The following LOC400499 variants were observed in gnomAD, a reference collection of about 807,000 sequenced individuals.
At chr16:11,448,148 A>C in the LOC400499 span, 3 of 1,478,848 alleles carry the variant, frequency 2.0e-6, no homozygotes, top group Non-Finnish European at 2.7e-6. Flanking sequence ...CAGGAAGGCA[A>C]GAGGTAGCCC....
the LOC400499 span, chr16:11,488,662 C>A: frequency 2.5e-6 from 1 of 398,434 alleles, no homozygotes; most frequent in East Asian, 3.6e-5. Flanking sequence ...GGTCCCCCAG[C>A]CTTTGTGGTT....
the LOC400499 span, among the ~76,000 whole-genome samples, chr16:11,485,524 T>C: frequency 1.3e-5 from 2 of 152,074 alleles, no homozygotes; most frequent in African/African-American, 4.8e-5. Context: ...GGTGAATAAA[T>C]GGATCTTTCC....
the LOC400499 span, chr16:11,383,574 G>GGTTTTCCCTC: frequency 8.2e-7 from 1 of 1,222,982 alleles, no homozygotes; most frequent in Non-Finnish European, 1.0e-6. Context: ...GAAAGGGACT[G>GGTTTTCCCTC]GTTTTCCCTC....
chr16:11,381,258 G>C, the LOC400499 span: 1 of 152,098 alleles, frequency 6.6e-6, no homozygotes, highest in African/African-American at 2.4e-5. Flanking sequence ...TTGAGTTTTT[G>C]TTTTGTGAGA....
At chr16:11,425,173 G>C in the LOC400499 span, 1 of 399,094 alleles carries the variant, frequency 2.5e-6, no homozygotes, top group Non-Finnish European at 4.4e-6. Context: ...CCCGCAAGCT[G>C]TCCGTGCCGG....
chr16:11,510,045 C>CG, the LOC400499 span, among the ~76,000 whole-genome samples: 89,985 of 150,896 alleles, frequency 0.6, 27,792 homozygotes, highest in Admixed American at 0.66. Flanking sequence ...CTCATGCATT[C>CG]GTCCTGTGAC....
At chr16:11,504,359 C>T in the LOC400499 span, among the ~76,000 whole-genome samples, 1 of 152,062 alleles carries the variant, frequency 6.6e-6, no homozygotes, top group Non-Finnish European at 1.5e-5. Context: ...AGTTTGAGAC[C>T]AGCATGGCCA....
chr16:11,518,153 C>T, the LOC400499 span, among the ~76,000 whole-genome samples: 1 of 152,172 alleles, frequency 6.6e-6, no homozygotes, highest in African/African-American at 2.4e-5. Context: ...GACAATAGTC[C>T]CCTTGGAGGA....
At chr16:11,377,115 G>C in the LOC400499 span, among the ~76,000 whole-genome samples, 1 of 151,982 alleles carries the variant, frequency 6.6e-6, no homozygotes, top group Non-Finnish European at 1.5e-5. Flanking sequence ...AACCATGCCC[G>C]GCAGGAATTG....
chr16:11,393,474 C>T, the LOC400499 span: 1 of 1,232,360 alleles, frequency 8.1e-7, no homozygotes, highest in Non-Finnish European at 1.0e-6. Flanking sequence ...GTTGTCCACG[C>T]TTCCCTCCAA....
At chr16:11,491,649 T>C in the LOC400499 span, 9 of 210,352 alleles carry the variant, frequency 4.3e-5, no homozygotes, top group Admixed American at 6.0e-5. Flanking sequence ...GGAGGTGCCC[T>C]CCCAGCCCCA....
chr16:11,457,257 A>C, the LOC400499 span: 2 of 535,594 alleles, frequency 3.7e-6, no homozygotes, highest in Non-Finnish European at 6.5e-6. Flanking sequence ...GGAATGTGAA[A>C]TAGTGCAGCT....
chr16:11,480,892 G>C, the LOC400499 span, among the ~76,000 whole-genome samples: 6 of 152,292 alleles, frequency 3.9e-5, no homozygotes, highest in East Asian at 1.2e-3. Context: ...ACCAAAGTCA[G>C]ACACAAAAAG....
At chr16:11,466,533 A>C in the LOC400499 span, among the ~76,000 whole-genome samples, 1 of 151,454 alleles carries the variant, frequency 6.6e-6, no homozygotes, top group Admixed American at 6.6e-5. Context: ...GGATTACAGG[A>C]GCCTGCCACC....
At chr16:11,441,696 TC>T in the LOC400499 span, among the ~76,000 whole-genome samples, 1 of 151,804 alleles carries the variant, frequency 6.6e-6, no homozygotes, top group Non-Finnish European at 1.5e-5. Flanking sequence ...AGGGTCAGAG[TC>T]ACACAGAGAC....
At chr16:11,414,201 C>T in the LOC400499 span, 2 of 398,054 alleles carry the variant, frequency 5.0e-6, no homozygotes, top group South Asian at 2.8e-4. Context: ...ATGAATGAAG[C>T]CTTTGTAAAT....
chr16:11,393,509 G>C, the LOC400499 span: 5 of 1,232,230 alleles, frequency 4.1e-6, no homozygotes, highest in Non-Finnish European at 5.1e-6. Flanking sequence ...GAGAAGTCGA[G>C]GTGGAGACAC....
chr16:11,466,976 G>T, the LOC400499 span, among the ~76,000 whole-genome samples: 1 of 151,762 alleles, frequency 6.6e-6, no homozygotes, highest in Non-Finnish European at 1.5e-5. Context: ...TTTTTGAGAC[G>T]CAGTCTTGCT....
the LOC400499 span, among the ~76,000 whole-genome samples, chr16:11,422,134 C>T: frequency 2.0e-5 from 3 of 152,202 alleles, no homozygotes; most frequent in Non-Finnish European, 2.9e-5. Flanking sequence ...GGGTACATGG[C>T]CCATGCCTGT....
Sources: allele counts gnomAD v4.1 joint callset (sites outside exome capture counted in the v4.1 genomes callset), GRCh38; gene constraint gnomAD v4.1.1; transcripts MANE v1.5.